Variants in MYO15A observed in about 807,000 individuals in gnomAD.
MYO15A encodes the protein unconventional myosin-XV.
A neutral mutation model predicts 394.6 loss-of-function variants in MYO15A; 308 were observed. The ratio of observed to expected loss-of-function variants is 0.78; its 90% CI spans 0.71 to 0.86. The LOEUF (loss-of-function observed/expected upper bound fraction) is 0.86. Ranked by LOEUF, MYO15A falls within the 40% of genes least tolerant of loss-of-function variation. MYO15A has a pLI of 0.00. For synonymous variants in MYO15A, 1,957 were observed against 2,003.8 expected, an observed-to-expected ratio of 0.98 and a Z score of 0.62; for missense variants, 4,606 against 4,799.1, an observed-to-expected ratio of 0.96 and a Z score of 1.19.
At chr17:18,138,301 G>A in intron 17 of MYO15A, 55 bp downstream of exon 17, 2 of 1,589,642 alleles carry the variant, frequency 1.3e-6, no homozygotes, top group Non-Finnish European at 1.7e-6. Context: ...TCAGCCTCAT[G>A]TCCTCATCCC....
chr17:18,132,674 G>A lies in MYO15A; in HGVS notation c.4320+108G>A. On this transcript the variant is annotated intron_variant, in intron 11 of 65. Coordinates refer to ENST00000647165, the MANE Select transcript of MYO15A (RefSeq NM_016239.4). The surrounding 1 kb of genome is among the most constrained non-coding windows in gnomAD (Gnocchi z 4.6). ...GTGAGTGATGGAGTGTGAAGGTGAA[G>A]GAGATTTGGGGAGGGTGAGTTTGGA... 1.2e-6 allele frequency: 1 copy of A among 857,630 alleles called. No homozygotes were observed. The highest frequency in any genetic ancestry group is 2.0e-5 in the Admixed American group (1 of 50,914). 53.1% of individuals were successfully genotyped at this position (857,630 alleles called of 1,614,324 possible).
intron 43 of MYO15A, 113 bp downstream of exon 43, chr17:18,154,009 G>A: frequency 6.2e-7 from 1 of 1,605,052 alleles, no homozygotes; most frequent in South Asian, 1.1e-5. Flanking sequence ...ACAGAAAAAG[G>A]CCGGGCTGAA....
In MYO15A at chr17:18,138,934, C is replaced by G; in HGVS notation, c.5131C>G (p.Gln1711Glu). ...GCACTATGCAGGCAAGGTCACCTAC[C>G]AGGTGAGCCCTAAGACAGTCGGCCT... ...IKHYAGKVTY[Q>E]VHKFLDKNHD... Residue 1711 changes from glutamine (Q) to glutamate (E), a missense_variant and splice_region_variant, in exon 18 of 66, where the codon CAG becomes GAG. This residue lies in a region of MYO15A where 2,776 missense variants were observed against 3,109.3 expected (regional missense o/e 0.89). Transcript: ENST00000647165. 1 of 1,611,834 alleles carries G rather than the reference C, an allele frequency of 6.2e-7. No homozygotes were observed. The highest frequency in any genetic ancestry group is 1.7e-5 in the Admixed American group (1 of 59,732).
chr17:18,152,233 A>G (rs972742796), intron 42 of MYO15A, 49 bp downstream of exon 42: 2 of 1,524,738 alleles, frequency 1.3e-6, no homozygotes, highest in African/African-American at 1.4e-5. Context: ...GTATATGAGG[A>G]AGTCTGTGGG....
At chr17:18,171,610 G>A in intron 62 of MYO15A, 28 bp from the exon 63 acceptor site, 1 of 1,613,758 alleles carries the variant, frequency 6.2e-7, no homozygotes, top group Non-Finnish European at 8.5e-7. Context: ...GCTCACTCAG[G>A]ACCTTTTTCC....
chr17:18,141,906 T>A (rs2046389258), intron 23 of MYO15A, 136 bp downstream of exon 23: 5 of 1,190,844 alleles, frequency 4.2e-6, no homozygotes, highest in African/African-American at 1.5e-5. Context: ...GAATGCTAAC[T>A]ACCTGATTCA....
chr17:18,178,689 C>T (rs747527615), intron 65 of MYO15A, 80 bp from the exon 66 acceptor site: 7 of 1,370,504 alleles, frequency 5.1e-6, no homozygotes, highest in Admixed American at 1.7e-5. Flanking sequence ...TCCCAACCAC[C>T]TCTCCATTCT....
chr17:18,160,976 A>T (rs1597813604), intron 56 of MYO15A: 1 of 415,640 alleles, frequency 2.4e-6, no homozygotes, highest in African/African-American at 2.0e-5. Flanking sequence ...ACCTGGCATG[A>T]CCTCTACACA....
Position 18,145,965 on chromosome 17 carries a change from C to T in MYO15A, c.6367C>T (p.Leu2123=), listed in dbSNP as rs531893776. The T allele has an allele frequency of 3.7e-6, 6 of 1,613,816 alleles. No homozygotes were observed. Among genetic ancestry groups the T allele is most frequent in the Non-Finnish European group, 5.1e-6 (6 of 1,180,032 alleles). ...GCAGAAGGGGCTGGCGGTGCCTGAG[C>T]TGCGGGATGAGATCCTGGCACAGCT... ...IVQKGLAVPE[L]RDEILAQLAN... Residue 2123 remains leucine (L), a synonymous_variant, in exon 30 of 66, where the codon CTG becomes TTG. Coordinates refer to ENST00000647165, the MANE Select transcript of MYO15A (RefSeq NM_016239.4).
chr17:18,164,273 A>G, intron 60 of MYO15A: 1 of 263,976 alleles, frequency 3.8e-6, no homozygotes, highest in Non-Finnish European at 7.4e-6. Context: ...GCCCCTCTCG[A>G]GGGCTCCTGG....
At position 18,131,516 on chromosome 17, in the gene MYO15A, C is replaced by T. The variant is rs752589707; in HGVS notation, c.4191C>T (p.Ser1397=). Reference sequence around the variant, plus strand: ...CCTCCCAGTACCTGCTTGAGAAATCCAGGATCGTGTTTCAGGTGGGCCACC... The same window carrying T: ...CCTCCCAGTACCTGCTTGAGAAATCTAGGATCGTGTTTCAGGTGGGCCACC... The part of the protein sequence containing the change: ...AITSQYLLEK[S]RIVFQAKNER... Residue 1397 remains serine (S), a synonymous_variant, in exon 10 of 66, where the codon TCC becomes TCT. Coordinates refer to ENST00000647165, the MANE Select transcript of MYO15A (RefSeq NM_016239.4). 1.4e-5 allele frequency: 22 copies of T among 1,613,862 alleles called. No homozygotes were observed. Among genetic ancestry groups the T allele is most frequent in the Non-Finnish European group, 1.9e-5 (22 of 1,179,980 alleles).
Position 18,142,238 on chromosome 17 carries a change from C to T in MYO15A, c.5809C>T (p.Arg1937Cys), listed in dbSNP as rs749465098. The change falls in exon 24 of 66, where the codon CGT becomes TGT. Residue 1937 changes from arginine to cysteine, a missense_variant. Around this residue, in one of 2 missense-constraint regions of MYO15A, gnomAD observed 2,776 missense variants for 3,109.3 expected, o/e 0.89. Coordinates refer to ENST00000647165, the MANE Select transcript of MYO15A (RefSeq NM_016239.4). The part of the protein sequence containing the change: ...HKIILLQSRA[R>C]GYLARQRYQQ... Reference sequence around the variant, plus strand: ...GATCATCCTGCTGCAAAGCCGGGCCCGTGGCTACCTTGCCAGGTGAGGCAC... The same window carrying T: ...GATCATCCTGCTGCAAAGCCGGGCCTGTGGCTACCTTGCCAGGTGAGGCAC... 3 of 1,612,826 alleles carry T rather than the reference C, an allele frequency of 1.9e-6. No homozygotes were observed. Among genetic ancestry groups the T allele is most frequent in the Non-Finnish European group, 1.7e-6 (2 of 1,179,850 alleles).
Position 18,156,248 on chromosome 17 carries a change from A to G in MYO15A, c.8513A>G (p.Asn2838Ser). The change falls in exon 48 of 66, where the codon AAC becomes AGC. Residue 2838 changes from asparagine to serine, a missense_variant. Around this residue, in one of 2 missense-constraint regions of MYO15A, gnomAD observed 2,776 missense variants for 3,109.3 expected, o/e 0.89. Transcript: ENST00000647165. ...TMPSQNMLEFNLASEKVILFS... is the reference protein window; with the variant it reads ...TMPSQNMLEFSLASEKVILFS... ...CCCTCCCAGAACATGCTGGAGTTCAACCTGGCCAGTGAGAAGGTCATCCTC... is the reference window on the plus strand; with the variant it reads ...CCCTCCCAGAACATGCTGGAGTTCAGCCTGGCCAGTGAGAAGGTCATCCTC... 6.2e-7 allele frequency: 1 copy of G among 1,614,176 alleles called. No individual in the cohort carries two copies.
rs1387281248 is a variant in MYO15A at position 18,143,793 on chromosome 17, G to A, written c.6043G>A (p.Ala2015Thr). Residue 2015 changes from alanine (A) to threonine (T), a missense_variant, in exon 27 of 66, where the codon GCA becomes ACA. Transcript: ENST00000647165. ...AELAGLLQAV[A>T]GLGLAQVPQV... Reference sequence around the variant, plus strand: ...GCTGGCTGGGCTCTTGCAAGCAGTGGCAGGTGGGTCAGCACCAGGCGGGGG... The same window carrying A: ...GCTGGCTGGGCTCTTGCAAGCAGTGACAGGTGGGTCAGCACCAGGCGGGGG... 8 of 1,583,352 alleles carry A rather than the reference G, an allele frequency of 5.1e-6. No individual in the cohort carries two copies. The highest frequency in any genetic ancestry group is 2.7e-5 in the African/African-American group (2 of 74,282).
intron 34 of MYO15A, 53 bp downstream of exon 34, chr17:18,149,429 G>A (rs541691486): frequency 6.2e-6 from 10 of 1,613,756 alleles, no homozygotes; most frequent in African/African-American, 4.0e-5. Context: ...TAGAGGCTGT[G>A]TGGGGTGGAA....
chr17:18,165,878 C>G (rs1246730821), intron 60 of MYO15A, among the ~76,000 whole-genome samples: 7 of 152,222 alleles, frequency 4.6e-5, no homozygotes, highest in Non-Finnish European at 7.3e-5. Flanking sequence ...CAGTCCTCCC[C>G]ACCCCCACCT....
chr17:18,149,714 T>C (rs1267328778), intron 35 of MYO15A, 134 bp downstream of exon 35: 1 of 892,450 alleles, frequency 1.1e-6, no homozygotes, highest in African/African-American at 1.7e-5. Flanking sequence ...TCTGGATGTC[T>C]GCTGGAGGCT....
At chr17:18,139,843 C>G (rs909751794) in intron 19 of MYO15A, among the ~76,000 whole-genome samples, 3 of 152,236 alleles carry the variant, frequency 2.0e-5, no homozygotes, top group Non-Finnish European at 4.4e-5. Context: ...CCCCACAGCC[C>G]CAGTGGCTAG....
At chr17:18,169,349 G>A (rs931082562) in intron 62 of MYO15A, 1 of 151,616 alleles carries the variant, frequency 6.6e-6, no homozygotes, top group African/African-American at 2.4e-5. Flanking sequence ...GGGAGGGTGA[G>A]GCAGGAGAAT....
Sources: allele counts gnomAD v4.1 joint callset (sites outside exome capture counted in the v4.1 genomes callset), GRCh38; gene constraint gnomAD v4.1.1; regional missense constraint gnomAD v4.1.1; non-coding constraint Gnocchi (gnomAD v3.1); transcripts MANE v1.5; gene names NCBI Gene and HGNC (gene_info 2026-07-23, HGNC 2026-07-21).